The following STPG2 variants were observed in gnomAD, a reference collection of about 807,000 sequenced individuals.
The protein encoded by STPG2 is sperm tail PG-rich repeat containing 2, also known as sperm-tail PG-rich repeat-containing protein 2.
STPG2 carries 56 observed loss-of-function variants against 54.2 expected under a neutral mutation model. That is an observed-to-expected ratio of 1.03 (90% CI 0.83 to 1.29). The LOEUF is 1.29. Ranked by LOEUF, STPG2 falls within the 50% of genes most tolerant of loss-of-function variation. STPG2 has a pLI of 0.00. For missense variants in STPG2, 596 were observed against 544.9 expected (o/e 1.09, Z -0.93); for synonymous variants, 200 against 181.8 (o/e 1.10, Z -0.81).
intron 5 of STPG2, among the ~76,000 whole-genome samples, chr4:98,034,080 T>G (rs575283341): frequency 5.8e-4 from 88 of 152,242 alleles, no homozygotes; most frequent in African/African-American, 2.0e-3. Flanking sequence ...CTATTCAACA[T>G]AGTATTGAAA....
intron 2 of STPG2, among the ~76,000 whole-genome samples, chr4:98,130,476 C>G (rs1333679026): frequency 6.6e-6 from 1 of 152,160 alleles, no homozygotes; most frequent in Non-Finnish European, 1.5e-5. Context: ...AGCCACCACA[C>G]CCAGCCAGAA....
intron 4 of STPG2, among the ~76,000 whole-genome samples, chr4:97,462,688 A>G (rs1383400444): frequency 6.6e-6 from 1 of 151,992 alleles, no homozygotes; most frequent in Non-Finnish European, 1.5e-5. Context: ...TTATTTTCCA[A>G]TAATTTGTTG....
At position 98,105,291 on chromosome 4, in the gene STPG2, A is replaced by G. The variant is rs566676809; in HGVS notation, c.612+662T>C. Among the ~76,000 whole-genome samples the G allele has an allele frequency of 4.6e-5, 7 of 152,282 alleles. No individual in the cohort carries two copies. In the East Asian group the frequency reaches 1.3e-3, roughly 29 times the overall value. ...TCGGTTAAAGTTTTCCTTTTAACAG[A>G]TGGTGTCAGAAGCGGGGTCCAAAGT... On this transcript the variant is annotated intron_variant, in intron 5 of 10. Transcript: ENST00000295268.
intron 4 of STPG2, among the ~76,000 whole-genome samples, chr4:97,550,484 G>C (rs1428469194): frequency 6.6e-6 from 1 of 151,942 alleles, no homozygotes. Context: ...CTTATAATAC[G>C]GAATAGCCTA....
At chr4:97,733,716 G>C (rs1442295817) in intron 9 of STPG2, among the ~76,000 whole-genome samples, 4 of 152,102 alleles carry the variant, frequency 2.6e-5, no homozygotes, top group African/African-American at 9.7e-5. Flanking sequence ...CTTATTCAGG[G>C]CCAGGTGCTG....
chr4:97,915,598 A>G (rs1731844734), intron 8 of STPG2, among the ~76,000 whole-genome samples: 1 of 152,036 alleles, frequency 6.6e-6, no homozygotes, highest in African/African-American at 2.4e-5. Context: ...GCACATGACA[A>G]AGGTAGGTCT....
At chr4:98,086,666 GA>G (rs35225418) in intron 5 of STPG2, among the ~76,000 whole-genome samples, 39,319 of 93,966 alleles carry the variant, frequency 0.42, 6,842 homozygotes, top group Admixed American at 0.56. Flanking sequence ...ATGCATGCCA[GA>G]AAAAAAAAAA....
chr4:97,796,212 C>G (rs1425558542), intron 9 of STPG2, among the ~76,000 whole-genome samples: 1 of 152,098 alleles, frequency 6.6e-6, no homozygotes, highest in African/African-American at 2.4e-5. Flanking sequence ...TAATTAGATC[C>G]CATTTGTCAA....
At chr4:97,755,143 C>T (rs2149048364) in intron 9 of STPG2, among the ~76,000 whole-genome samples, 1 of 152,278 alleles carries the variant, frequency 6.6e-6, no homozygotes, top group South Asian at 2.1e-4. Flanking sequence ...CATTTATCGG[C>T]TTCATTTCTC....
In STPG2 at chr4:97,940,861, A is replaced by T. The variant is rs572190545; in HGVS notation, c.1044+3036T>A. On this transcript the variant is annotated intron_variant, in intron 8 of 10. Transcript: ENST00000295268. ...AATATGTCATACATGAGCTAAAATG[A>T]CTTCTTCATTAATTATTTTCACTTT... Among the ~76,000 whole-genome samples, 3 of 137,866 alleles carry T rather than the reference A, an allele frequency of 2.2e-5. No homozygotes were observed. In the East Asian group the frequency reaches 6.3e-4, roughly 29 times the overall value. The allele number at this position is 137,866 out of a possible 152,430, so 90.4% of individuals were successfully genotyped here.
intron 4 of STPG2, among the ~76,000 whole-genome samples, chr4:97,455,854 A>G (rs1729503375): frequency 6.6e-6 from 1 of 152,154 alleles, no homozygotes; most frequent in Non-Finnish European, 1.5e-5. Flanking sequence ...AGACACTGCC[A>G]TGCAGTTGGA....
chr4:97,668,632 G>A (rs768408433), intron 10 of STPG2, among the ~76,000 whole-genome samples: 1 of 149,710 alleles, frequency 6.7e-6, no homozygotes, highest in Admixed American at 6.7e-5. Flanking sequence ...AATAAAGGAA[G>A]GAAGGAAAGA....
chr4:97,901,863 G>C (rs1343802716), intron 8 of STPG2, among the ~76,000 whole-genome samples: 1 of 151,928 alleles, frequency 6.6e-6, no homozygotes, highest in African/African-American at 2.4e-5. Context: ...AAGCACACTT[G>C]AGTAAGAAGG....
chr4:97,805,896 T>G (rs974928081), intron 9 of STPG2, among the ~76,000 whole-genome samples: 1 of 151,858 alleles, frequency 6.6e-6, no homozygotes, highest in African/African-American at 2.4e-5. Flanking sequence ...ACTCATACAT[T>G]GTTAGTAGGA....
intron 9 of STPG2, among the ~76,000 whole-genome samples, chr4:97,736,152 T>C (rs1724981348): frequency 1.3e-5 from 2 of 152,136 alleles, no homozygotes; most frequent in African/African-American, 2.4e-5. Context: ...AAATTAAAAA[T>C]AGAACTATCA....
chr4:97,529,042 G>A (rs1001342455), intron 4 of STPG2, among the ~76,000 whole-genome samples: 8 of 152,152 alleles, frequency 5.3e-5, no homozygotes, highest in African/African-American at 1.7e-4. Context: ...GGTGAGAGAC[G>A]GCATCCTTGT....
chr4:97,567,894 G>A (rs1009955382), intron 10 of STPG2, among the ~76,000 whole-genome samples: 1 of 152,126 alleles, frequency 6.6e-6, no homozygotes, highest in Non-Finnish European at 1.5e-5. Context: ...ACTGAAGAAT[G>A]ATAAACCAGA....
intron 10 of STPG2, among the ~76,000 whole-genome samples, chr4:97,574,875 TA>T: frequency 6.6e-6 from 1 of 152,058 alleles, no homozygotes; most frequent in East Asian, 1.9e-4. Flanking sequence ...AATGTATATG[TA>T]AAAAATTTTA....
At chr4:97,671,039 C>T (rs1722679388) in intron 10 of STPG2, among the ~76,000 whole-genome samples, 1 of 152,168 alleles carries the variant, frequency 6.6e-6, no homozygotes, top group Non-Finnish European at 1.5e-5. Flanking sequence ...TGAATGTGAT[C>T]GTGAGAATGT....
Sources: gnomAD v4.1 joint callset for allele counts (sites outside exome capture counted in the v4.1 genomes callset) on GRCh38, gnomAD v4.1.1 for gene constraint, MANE v1.5 for transcripts, NCBI Gene and HGNC (gene_info 2026-07-23, HGNC 2026-07-21) for gene names.